AIFM2: variants seen among roughly 807,000 people sequenced by gnomAD.
AIFM2 encodes AIF family member 2, ferroptosis suppressor.
AIFM2 carries 38 observed loss-of-function variants against 35.7 expected under a neutral mutation model. The observed-to-expected ratio is 1.06, with a 90% CI of 0.82 to 1.39. The LOEUF is 1.39. Ranked by LOEUF, AIFM2 falls within the 40% of genes most tolerant of loss-of-function variation. The pLI, the probability that AIFM2 is intolerant of heterozygous loss-of-function variation, is 0.00. For synonymous variants in AIFM2, 185 were observed against 203.5 expected, an observed-to-expected ratio of 0.91 and a Z score of 0.77; for missense variants, 476 against 491.2, an observed-to-expected ratio of 0.97 and a Z score of 0.29.
rs2072622654 is a variant in AIFM2, at chr10:70,131,189, T to A, written c.-14+1545A>T. 6.6e-6 allele frequency among the ~76,000 whole-genome samples: 1 copy of A among 152,118 alleles called. No homozygotes were observed. Reference sequence around the variant, plus strand: ...TTGCTCCAGTATTGCTTCACAAATATTACAAATAAAACACGATGCTTTTTG... The same window carrying A: ...TTGCTCCAGTATTGCTTCACAAATAATACAAATAAAACACGATGCTTTTTG... On this transcript the variant is annotated intron_variant, in intron 1 of 8. Coordinates refer to ENST00000307864, the MANE Select transcript of AIFM2 (RefSeq NM_032797.6). The surrounding 1 kb of genome is among the most constrained non-coding windows in gnomAD (Gnocchi z 4.1).
Position 70,112,928 on chromosome 10 carries a change from C to T in AIFM2, c.*1250G>A, listed in dbSNP as rs1230835814. On this transcript the variant is annotated 3_prime_UTR_variant, in exon 9 of 9. Coordinates refer to ENST00000307864, the MANE Select transcript of AIFM2 (RefSeq NM_032797.6). The stretch of plus-strand genomic sequence containing the variant: ...CCACAAAGTCCCTCAAGGGCCCTCT[C>T]CCCATTCCCAGCATCAGCTGGAGTT... 1 of 152,240 alleles carries T rather than the reference C, an allele frequency of 6.6e-6. No homozygotes were observed. Among genetic ancestry groups the T allele is most frequent in the Non-Finnish European group, 1.5e-5 (1 of 68,036 alleles). The allele number at this position is 152,240 out of a possible 1,614,324, so 9.4% of individuals were successfully genotyped here.
Position 70,121,462 on chromosome 10 carries a change from T to A in AIFM2, c.295-251A>T, listed in dbSNP as rs543648407. Among the ~76,000 whole-genome samples, 176 of 152,124 alleles carry A rather than the reference T, an allele frequency of 1.2e-3. 4 individuals carry two copies. The South Asian group carries it at 0.036, about 31-fold the overall frequency. On this transcript the variant is annotated intron_variant, in intron 3 of 8. Coordinates refer to ENST00000307864, the MANE Select transcript of AIFM2 (RefSeq NM_032797.6). ...GTAGAGTTTACCTCCGCGTGGAGAA[T>A]GTGGGGGCAACTGGAGCCACCCAGC... is the stretch of plus-strand genomic sequence containing the variant.
intron 7 of AIFM2, 112 bp downstream of exon 7, chr10:70,116,510 G>T: frequency 7.3e-7 from 1 of 1,362,710 alleles, no homozygotes; most frequent in Non-Finnish European, 1.0e-6. Flanking sequence ...CTGTTGGGAA[G>T]AAAGGGGGAA....
At position 70,112,838 on chromosome 10, in the gene AIFM2, T is replaced by G. The variant is rs1184181427; in HGVS notation, c.*1340A>C. On this transcript the variant is annotated 3_prime_UTR_variant, in exon 9 of 9. Coordinates refer to ENST00000307864, the MANE Select transcript of AIFM2 (RefSeq NM_032797.6). ...ACTGTAACATAGTCGGTGGCAGACA[T>G]TAGTGCCCAGCTGGGCCTCCAGACA... is the stretch of plus-strand genomic sequence containing the variant. 6.6e-6 allele frequency: 1 copy of G among 152,248 alleles called. No homozygotes were observed. Among genetic ancestry groups the G allele is most frequent in the Non-Finnish European group, 1.5e-5 (1 of 68,074 alleles). 9.4% of individuals were successfully genotyped at this position (152,248 alleles called of 1,614,324 possible).
intron 1 of AIFM2, among the ~76,000 whole-genome samples, chr10:70,125,519 G>A (rs1033798387): frequency 4.0e-5 from 6 of 149,964 alleles, no homozygotes; most frequent in Non-Finnish European, 8.9e-5. Context: ...TTGGGAGGCC[G>A]AGGTGGGAGG....
At chr10:70,129,329 G>A (rs1228727978) in intron 1 of AIFM2, among the ~76,000 whole-genome samples, 1 of 151,944 alleles carries the variant, frequency 6.6e-6, no homozygotes, top group East Asian at 1.9e-4. Context: ...CTGGCACAGA[G>A]TAGCAATGAA....
chr10:70,112,864 A>G lies in AIFM2; in HGVS notation c.*1314T>C, dbSNP rs566793622. 2 of 152,378 alleles carry G rather than the reference A, an allele frequency of 1.3e-5. No individual in the cohort carries two copies. Among genetic ancestry groups the G allele is most frequent in the Non-Finnish European group, 2.9e-5 (2 of 68,076 alleles). 9.4% of individuals were successfully genotyped at this position (152,378 alleles called of 1,614,324 possible). A position where few individuals can be genotyped will look rare whatever the true frequency, so the allele number is the denominator to read the frequency against. On this transcript the variant is annotated 3_prime_UTR_variant, in exon 9 of 9. Coordinates refer to ENST00000307864, the MANE Select transcript of AIFM2 (RefSeq NM_032797.6). ...TAGTGCCCAGCTGGGCCTCCAGACA[A>G]GTGACCCTGGGGTTGGCCAGGAAAC...
intron 1 of AIFM2, among the ~76,000 whole-genome samples, chr10:70,128,336 T>C (rs1344613391): frequency 6.6e-6 from 1 of 152,146 alleles, no homozygotes; most frequent in Admixed American, 6.5e-5. Context: ...TGTAGCCAGT[T>C]GTTTTTAAAG....
intron 1 of AIFM2, among the ~76,000 whole-genome samples, chr10:70,132,260 T>C (rs2136672157): frequency 6.6e-6 from 1 of 152,292 alleles, no homozygotes; most frequent in East Asian, 1.9e-4. Context: ...CCCGAGCCTA[T>C]GGGCACTGGG....
At chr10:70,118,124 A>C (rs892561697) in intron 5 of AIFM2, 3 of 508,668 alleles carry the variant, frequency 5.9e-6, no homozygotes, top group Non-Finnish European at 6.9e-6. Flanking sequence ...CTCTTTCAGT[A>C]CCCTCCTGCC....
chr10:70,114,225 G>C lies in AIFM2; in HGVS notation c.1075C>G (p.Leu359Val). The C allele has an allele frequency of 1.2e-6, 2 of 1,613,928 alleles. No homozygotes were observed. Among genetic ancestry groups the C allele is most frequent in the Non-Finnish European group, 1.7e-6 (2 of 1,180,014 alleles). The change falls in exon 9 of 9, where the codon CTG (leucine) becomes GTG (valine). Residue 359 changes from leucine to valine, a missense_variant. Coordinates refer to ENST00000307864, the MANE Select transcript of AIFM2 (RefSeq NM_032797.6). ...GTTTTCCAGCTCGTAGAGACGAACAGGTCCCGGCTCTTGGTCAGCCGAACC... is the reference window on the plus strand; with the variant it reads ...GTTTTCCAGCTCGTAGAGACGAACACGTCCCGGCTCTTGGTCAGCCGAACC... The part of the protein sequence containing the change: ...LMVRLTKSRD[L>V]FVSTSWKTMR...
rs1286518680 is a variant in AIFM2, at chr10:70,115,079, G to A, written c.811C>T (p.His271Tyr). The change falls in exon 8 of 9, where the codon CAC (histidine) becomes TAC (tyrosine). Residue 271 changes from histidine (H) to tyrosine (Y), a missense_variant. His to Tyr is a moderately conservative substitution (Grantham distance 83). Coordinates refer to ENST00000307864, the MANE Select transcript of AIFM2 (RefSeq NM_032797.6). ...TTGCTGTGGCCCTCCACCTGGAGGT[G>A]CTCGTTCACTCTCAGAGCACCACTG... ...ASSGALRVNEHLQVEGHSNVY... is the reference protein window; with the variant it reads ...ASSGALRVNEYLQVEGHSNVY... 1 of 1,613,990 alleles carries A rather than the reference G, an allele frequency of 6.2e-7. No individual in the cohort carries two copies. Among genetic ancestry groups the A allele is most frequent in the Non-Finnish European group, 8.5e-7 (1 of 1,179,920 alleles).
Position 70,131,694 on chromosome 10 carries a change from C to T in AIFM2, c.-14+1040G>A, listed in dbSNP as rs1056840837. On this transcript the variant is annotated intron_variant, in intron 1 of 8. Transcript: ENST00000307864. This position sits in a 1 kb window ranked among gnomAD's most constrained non-coding sequence, Gnocchi z 4.1. ...AAGTCAGGCTGGCCCTGGAGTCCAC[C>T]GGCCTGCCCAGCCCATCACTTCTGG... Among the ~76,000 whole-genome samples the T allele has an allele frequency of 6.6e-6, 1 of 152,166 alleles. No homozygotes were observed. The highest frequency in any genetic ancestry group is 1.9e-4 in the East Asian group (1 of 5,178).
rs2072409508 is a variant in AIFM2, at chr10:70,114,343, CA to C, written c.971-15del. 12 of 1,613,870 alleles carry C rather than the reference CA, an allele frequency of 7.4e-6. No homozygotes were observed. Among genetic ancestry groups the C allele is most frequent in the Non-Finnish European group, 1.0e-5 (12 of 1,179,994 alleles). On this transcript the variant is annotated splice_polypyrimidine_tract_variant and intron_variant, in intron 8 of 8. Transcript: ENST00000307864. ...ACGTCAGTGCACCTGCAAGCAGAGACACAGAAACAACCAGAACCTCACTGAA... is the reference window on the plus strand; with the variant it reads ...ACGTCAGTGCACCTGCAAGCAGAGACCAGAAACAACCAGAACCTCACTGAA...
chr10:70,121,147 T>C lies in AIFM2; in HGVS notation c.359A>G (p.Asn120Ser). Reference protein sequence around the residue: ...GSTGPFPGKFNEVSSQQAAIQ... With the variant: ...GSTGPFPGKFSEVSSQQAAIQ... ...AGCGGCCTGCTGGCTGGAAACCTCA[T>C]TAAACTTGCCCGGGAAGGGCCCAGT... The change falls in exon 4 of 9, where the codon AAT (asparagine) becomes AGT (serine). Residue 120 changes from asparagine (N) to serine (S), a missense_variant. Transcript: ENST00000307864. 1.9e-6 allele frequency: 3 copies of C among 1,591,704 alleles called. No individual in the cohort carries two copies. Among genetic ancestry groups the C allele is most frequent in the South Asian group, 1.1e-5 (1 of 90,544 alleles).
chr10:70,123,313 C>G (rs2072530092), intron 3 of AIFM2, 92 bp downstream of exon 3: 13 of 1,140,868 alleles, frequency 1.1e-5, no homozygotes, highest in South Asian at 1.1e-4. Flanking sequence ...GCCACCGCCC[C>G]CAGCCTAGCT....
rs931526909 is a variant in AIFM2, at chr10:70,113,669, C to T, written c.*509G>A. Reference sequence around the variant, plus strand: ...GTTGTTGCAGAATGTATGGGCTCCCCGACCGTGTGATGGCAGAGATTTGGG... The same window carrying T: ...GTTGTTGCAGAATGTATGGGCTCCCTGACCGTGTGATGGCAGAGATTTGGG... On this transcript the variant is annotated 3_prime_UTR_variant, in exon 9 of 9. Transcript: ENST00000307864. 5.2e-5 allele frequency: 8 copies of T among 153,056 alleles called. No homozygotes were observed. The highest frequency in any genetic ancestry group is 1.9e-4 in the African/African-American group (8 of 41,464). 9.5% of individuals were successfully genotyped at this position (153,056 alleles called of 1,614,324 possible). A position where few individuals can be genotyped will look rare whatever the true frequency, so the allele number is the denominator to read the frequency against.
In AIFM2 at chr10:70,121,304, G is replaced by A. The variant is rs573854323; in HGVS notation, c.295-93C>T. 199 of 1,410,058 alleles carry A rather than the reference G, an allele frequency of 1.4e-4. 1 individual carries two copies. The highest frequency in any genetic ancestry group is 6.9e-4 in the African/African-American group (47 of 67,790). The allele number at this position is 1,410,058 out of a possible 1,614,324, so 87.3% of individuals were successfully genotyped here. ...GCCTAGGCCTCTGCATCCTACTCCC[G>A]GCCTGCCAGCCGGGACAAACCAGGC... On this transcript the variant is annotated intron_variant, in intron 3 of 8. Coordinates refer to ENST00000307864, the MANE Select transcript of AIFM2 (RefSeq NM_032797.6).
chr10:70,126,378 G>A lies in AIFM2; in HGVS notation c.-13-2281C>T, dbSNP rs148338342. 1.4e-3 allele frequency among the ~76,000 whole-genome samples: 217 copies of A among 152,318 alleles called. 2 individuals are homozygous for A. The highest frequency in any genetic ancestry group is 5.1e-3 in the African/African-American group (212 of 41,566). On this transcript the variant is annotated intron_variant, in intron 1 of 8. Transcript: ENST00000307864. ...AAGGGGGACTGGAGCGGGTGTCAGC[G>A]AAGGAGGAAGTAGACTCTGAGGTCA... is the stretch of plus-strand genomic sequence containing the variant.
Sources: gnomAD v4.1 joint callset for allele counts (sites outside exome capture counted in the v4.1 genomes callset) on GRCh38, gnomAD v4.1.1 for gene constraint, Gnocchi (gnomAD v3.1) non-coding constraint, MANE v1.5 for transcripts, NCBI Gene and HGNC (gene_info 2026-07-23, HGNC 2026-07-21) for gene names.